The following CYP2J2 variants were observed in gnomAD, a reference collection of about 807,000 sequenced individuals.
CYP2J2 encodes the protein cytochrome P450 2J2.
In CYP2J2, 41 loss-of-function variants were observed where a neutral mutation model predicts 48.8. That is an observed-to-expected ratio of 0.84 (90% CI 0.66 to 1.09). The LOEUF is 1.09. Ranked by LOEUF, CYP2J2 falls within the 50% of genes least tolerant of loss-of-function variation. The probability of loss-of-function intolerance (pLI) is 0.00; values close to 1 mark genes in which losing one functional copy is unlikely to be tolerated. For synonymous variants in CYP2J2, 221 were observed against 227.1 expected (o/e 0.97, Z 0.24); for missense variants, 644 against 617.3 (o/e 1.04, Z -0.46).
chr1:59,924,193 C>G (rs1644543267), intron 1 of CYP2J2, among the ~76,000 whole-genome samples: 1 of 152,086 alleles, frequency 6.6e-6, no homozygotes. Context: ...ACCTAGAATT[C>G]TATGTCCAGT....
the CYP2J2 span, among the ~76,000 whole-genome samples, chr1:59,951,426 A>T: frequency 2.0e-5 from 3 of 152,126 alleles, no homozygotes; most frequent in South Asian, 4.2e-4. Context: ...CTTCACATTT[A>T]AAAAAAATAA....
upstream of CYP2J2, among the ~76,000 whole-genome samples, chr1:59,931,390 A>G (rs1644602197): frequency 6.6e-6 from 1 of 152,160 alleles, no homozygotes; most frequent in African/African-American, 2.4e-5. Context: ...CCAAGTTCTC[A>G]GCATTGTATT....
chr1:59,895,740 G>A (rs972464743), intron 8 of CYP2J2, among the ~76,000 whole-genome samples: 10 of 152,048 alleles, frequency 6.6e-5, no homozygotes, highest in Admixed American at 2.6e-4. Flanking sequence ...ATGCTGGTGC[G>A]CTGCACCCAC....
chr1:59,951,588 G>C, the CYP2J2 span, among the ~76,000 whole-genome samples: 2 of 152,138 alleles, frequency 1.3e-5, no homozygotes, highest in African/African-American at 2.4e-5. Flanking sequence ...TATAGTGTAA[G>C]ACCAGTACAT....
intron 2 of CYP2J2, among the ~76,000 whole-genome samples, chr1:59,914,457 G>A (rs1027453398): frequency 1.3e-5 from 2 of 152,192 alleles, no homozygotes; most frequent in East Asian, 1.9e-4. Flanking sequence ...CTGAGATGCT[G>A]TTAATTTGTA....
At chr1:59,899,975 G>T (rs894642125) in intron 8 of CYP2J2, among the ~76,000 whole-genome samples, 3 of 152,154 alleles carry the variant, frequency 2.0e-5, no homozygotes, top group African/African-American at 7.2e-5. Context: ...AAGAAGTTTT[G>T]TTATTGATTG....
Position 59,904,935 on chromosome 1 carries a change from A to G in CYP2J2, c.1127T>C (p.Ile376Thr). The change falls in exon 7 of 9, where the codon ATC (isoleucine) becomes ACC (threonine). Residue 376 changes from isoleucine to threonine, a missense_variant. Transcript: ENST00000371204. ...IHEVQRMGNIIPLNVPREVTV... is the reference protein window; with the variant it reads ...IHEVQRMGNITPLNVPREVTV... ...CACTTCCCTGGGAACGTTCAGGGGG[A>G]TGATGTTGCCCATTCTCTGCACCTC... 1 of 1,613,644 alleles carries G rather than the reference A, an allele frequency of 6.2e-7. No homozygotes were observed. The highest frequency in any genetic ancestry group is 8.5e-7 in the Non-Finnish European group (1 of 1,179,876).
chr1:59,962,079 C>T, the CYP2J2 span, among the ~76,000 whole-genome samples: 1 of 151,666 alleles, frequency 6.6e-6, no homozygotes, highest in African/African-American at 2.4e-5. Context: ...ATACCAAAAA[C>T]ATTTAATTGT....
the CYP2J2 span, among the ~76,000 whole-genome samples, chr1:59,932,403 T>C: frequency 6.6e-6 from 1 of 152,156 alleles, no homozygotes. Flanking sequence ...ATTTAGAGTG[T>C]TTTGTGTTTT....
intron 8 of CYP2J2, among the ~76,000 whole-genome samples, chr1:59,900,104 TATTA>T (rs1421829187): frequency 1.3e-5 from 2 of 152,228 alleles, no homozygotes; most frequent in African/African-American, 2.4e-5. Context: ...TATATAAATG[TATTA>T]ATTAGATTTT....
intron 1 of CYP2J2, among the ~76,000 whole-genome samples, chr1:59,923,318 A>G (rs998103317): frequency 6.6e-6 from 1 of 152,270 alleles, no homozygotes; most frequent in Non-Finnish European, 1.5e-5. Flanking sequence ...AAAAGTGAGC[A>G]TTCAGAATCT....
At chr1:59,936,573 T>G in the CYP2J2 span, among the ~76,000 whole-genome samples, 1 of 152,218 alleles carries the variant, frequency 6.6e-6, no homozygotes. Flanking sequence ...TCTCTAGTCC[T>G]TCTATTAATC....
At chr1:59,965,165 T>G in the CYP2J2 span, among the ~76,000 whole-genome samples, 4 of 152,244 alleles carry the variant, frequency 2.6e-5, no homozygotes, top group African/African-American at 9.6e-5. Flanking sequence ...GTAGCGATGT[T>G]GGTGGAGAAT....
At chr1:59,935,014 A>ATG in the CYP2J2 span, among the ~76,000 whole-genome samples, 1 of 37,254 alleles carries the variant, frequency 2.7e-5, no homozygotes, top group Non-Finnish European at 4.8e-5. Flanking sequence ...ATATATATAT[A>ATG]CATATATATA....
intron 2 of CYP2J2, among the ~76,000 whole-genome samples, chr1:59,914,406 G>A (rs1403802252): frequency 6.6e-6 from 1 of 152,180 alleles, no homozygotes; most frequent in Admixed American, 6.5e-5. Context: ...GAAGACATAA[G>A]AAATTCCATT....
chr1:59,941,964 T>C, the CYP2J2 span, among the ~76,000 whole-genome samples: 1 of 152,300 alleles, frequency 6.6e-6, no homozygotes, highest in South Asian at 2.1e-4. Flanking sequence ...AGTATAGTAG[T>C]GTCCTAGGTC....
At chr1:59,961,725 C>T in the CYP2J2 span, among the ~76,000 whole-genome samples, 1 of 152,088 alleles carries the variant, frequency 6.6e-6, no homozygotes, top group Non-Finnish European at 1.5e-5. Context: ...CCCAATTATC[C>T]ATCCACTAAT....
intron 2 of CYP2J2, 52 bp downstream of exon 2, chr1:59,915,886 T>C: frequency 6.4e-7 from 1 of 1,574,008 alleles, no homozygotes. Flanking sequence ...CTTTAACAGA[T>C]TATAGGACTA....
Position 59,912,242 on chromosome 1 carries a change from A to G in CYP2J2, c.443T>C (p.Phe148Ser). 1 of 1,613,786 alleles carries G rather than the reference A, an allele frequency of 6.2e-7. No individual in the cohort carries two copies. The highest frequency in any genetic ancestry group is 8.5e-7 in the Non-Finnish European group (1 of 1,179,814). Residue 148 changes from phenylalanine (F) to serine (S), a missense_variant, in exon 3 of 9, where the codon TTT becomes TCT. Transcript: ENST00000371204. ...RRFTLTALRN[F>S]GLGKKSLEER... ...CTCTAAGCTCTTCTTTCCTAAACCAAAGTTCCTTAGTGCTGTCAGAGTGAA... is the reference window on the plus strand; with the variant it reads ...CTCTAAGCTCTTCTTTCCTAAACCAGAGTTCCTTAGTGCTGTCAGAGTGAA...
Sources: allele counts gnomAD v4.1 joint callset (sites outside exome capture counted in the v4.1 genomes callset), GRCh38; gene constraint gnomAD v4.1.1; transcripts MANE v1.5; gene names NCBI Gene and HGNC (gene_info 2026-07-23, HGNC 2026-07-21).